UBP1: variants seen among roughly 807,000 people sequenced by gnomAD.
The protein encoded by UBP1 is upstream binding protein 1, also known as upstream-binding protein 1.
In UBP1, 22 loss-of-function variants were observed where a neutral mutation model predicts 76.1. That is an observed-to-expected ratio of 0.29 (90% CI 0.21 to 0.41). The LOEUF (loss-of-function observed/expected upper bound fraction) is 0.41. Among genes scored for constraint, UBP1 ranks in the 10% least tolerant of loss-of-function variants. The pLI is 1.00. For synonymous variants in UBP1, 224 were observed against 237.1 expected, an observed-to-expected ratio of 0.94 and a Z score of 0.51; for missense variants, 436 against 668.1, an observed-to-expected ratio of 0.65 and a Z score of 3.83.
chr3:33,440,081 G>A lies in UBP1; in HGVS notation c.-233C>T, dbSNP rs2045268081. ...GGGCCGCCGGCAGCGCCACCCTCCC[G>A]CGGACACCGGCCCTGCGCCTCATGC... is the stretch of plus-strand genomic sequence containing the variant. On this transcript the variant is annotated 5_prime_UTR_variant, in exon 1 of 16. Transcript: ENST00000283629. The A allele has an allele frequency of 4.5e-6, 2 of 446,796 alleles. No homozygotes were observed. Among genetic ancestry groups the A allele is most frequent in the Non-Finnish European group, 7.8e-6 (2 of 257,024 alleles). 27.7% of individuals were successfully genotyped at this position (446,796 alleles called of 1,614,324 possible). A position where few individuals can be genotyped will look rare whatever the true frequency, so the allele number is the denominator to read the frequency against.
intron 5 of UBP1, among the ~76,000 whole-genome samples, chr3:33,410,171 A>C (rs374944773): frequency 1.3e-5 from 2 of 152,206 alleles, no homozygotes; most frequent in East Asian, 3.8e-4. Context: ...TTCAAAGTCC[A>C]TTCAGGATCC....
chr3:33,400,360 G>A (rs891490902), intron 10 of UBP1, 78 bp from the exon 11 acceptor site: 19 of 1,160,750 alleles, frequency 1.6e-5, no homozygotes, highest in East Asian at 5.6e-5. Context: ...AGAAAGCCTC[G>A]GAGTCTGAAG....
At chr3:33,413,371 C>G (rs925079078) in intron 3 of UBP1, among the ~76,000 whole-genome samples, 1 of 151,474 alleles carries the variant, frequency 6.6e-6, no homozygotes, top group Non-Finnish European at 1.5e-5. Flanking sequence ...CACGGTGAAA[C>G]CCCATCTCTA....
chr3:33,420,414 C>T (rs562564461), intron 2 of UBP1, among the ~76,000 whole-genome samples: 18 of 152,004 alleles, frequency 1.2e-4, no homozygotes, highest in African/African-American at 4.3e-4. Flanking sequence ...CAACCTCCCT[C>T]TCCCAAATTC....
In UBP1 at chr3:33,409,613, T is replaced by C; in HGVS notation, c.556-12A>G. 2 of 1,614,138 alleles carry C rather than the reference T, an allele frequency of 1.2e-6. No individual in the cohort carries two copies. Among genetic ancestry groups the C allele is most frequent in the Non-Finnish European group, 1.7e-6 (2 of 1,179,986 alleles). ...CTGATGCAGTGTACCTATAAAACGA[T>C]TCAGGCTGAAATGGATTCAAAGAAC... On this transcript the variant is annotated splice_polypyrimidine_tract_variant and intron_variant, in intron 5 of 15. Coordinates refer to ENST00000283629, the MANE Select transcript of UBP1 (RefSeq NM_014517.5).
intron 3 of UBP1, among the ~76,000 whole-genome samples, chr3:33,415,118 T>A (rs145733118): frequency 1.3e-5 from 2 of 152,360 alleles, no homozygotes; most frequent in African/African-American, 4.8e-5. Flanking sequence ...CCCAAGTTAA[T>A]CTGACAGGTA....
chr3:33,422,325 G>A (rs2044916029), intron 2 of UBP1, among the ~76,000 whole-genome samples: 1 of 152,008 alleles, frequency 6.6e-6, no homozygotes, highest in Non-Finnish European at 1.5e-5. Context: ...AGGACTGCTT[G>A]AGCCCAGGAG....
chr3:33,436,064 C>G (rs1436780204), intron 1 of UBP1, among the ~76,000 whole-genome samples: 2 of 152,226 alleles, frequency 1.3e-5, no homozygotes, highest in Non-Finnish European at 2.9e-5. Flanking sequence ...TAATCTTGTA[C>G]TAACTTAATA....
intron 1 of UBP1, among the ~76,000 whole-genome samples, chr3:33,439,158 G>A (rs1231827518): frequency 6.6e-6 from 1 of 152,186 alleles, no homozygotes; most frequent in East Asian, 1.9e-4. Flanking sequence ...AGAGGAAACA[G>A]CCTGAGAGGG....
chr3:33,421,930 G>A (rs1393750791), intron 2 of UBP1, among the ~76,000 whole-genome samples: 1 of 152,148 alleles, frequency 6.6e-6, no homozygotes, highest in Non-Finnish European at 1.5e-5. Flanking sequence ...CATAGTCCTA[G>A]GTACTCCAGA....
In UBP1 at chr3:33,439,953, G is replaced by T; in HGVS notation, c.-105C>A. 7.8e-7 allele frequency: 1 copy of T among 1,279,698 alleles called. No homozygotes were observed. Among genetic ancestry groups the T allele is most frequent in the Admixed American group, 2.5e-5 (1 of 39,932 alleles). 79.3% of individuals were successfully genotyped at this position (1,279,698 alleles called of 1,614,324 possible). A position where few individuals can be genotyped will look rare whatever the true frequency, so the allele number is the denominator to read the frequency against. On this transcript the variant is annotated 5_prime_UTR_variant, in exon 1 of 16. Coordinates refer to ENST00000283629, the MANE Select transcript of UBP1 (RefSeq NM_014517.5). ...GGGGGAGGGCGCGGGTGAAGCCTCCGGAGGGGCGGCGAGTGGTCACCAGCG... is the reference window on the plus strand; with the variant it reads ...GGGGGAGGGCGCGGGTGAAGCCTCCTGAGGGGCGGCGAGTGGTCACCAGCG...
At chr3:33,415,616 A>G (rs1166585089) in intron 3 of UBP1, among the ~76,000 whole-genome samples, 5 of 152,168 alleles carry the variant, frequency 3.3e-5, no homozygotes, top group Admixed American at 6.5e-5. Flanking sequence ...ACCATAATAA[A>G]AAGTTAAAAA....
chr3:33,429,112 A>T (rs966190476), intron 1 of UBP1, among the ~76,000 whole-genome samples: 1 of 152,186 alleles, frequency 6.6e-6, no homozygotes, highest in African/African-American at 2.4e-5. Flanking sequence ...TTCTTCAATG[A>T]CTGATGCCAG....
chr3:33,390,020 C>G lies in UBP1; in HGVS notation c.*311G>C, dbSNP rs914562938. 9 of 336,188 alleles carry G rather than the reference C, an allele frequency of 2.7e-5. No individual in the cohort carries two copies. Among genetic ancestry groups the G allele is most frequent in the Non-Finnish European group, 4.9e-5 (9 of 183,530 alleles). 20.8% of individuals were successfully genotyped at this position (336,188 alleles called of 1,614,324 possible). A position where few individuals can be genotyped will look rare whatever the true frequency, so the allele number is the denominator to read the frequency against. ...CCAAACCGCATACAGTGTAAAAAGA[C>G]AGCAAAGGCTGCTTCTAGGAACTGT... On this transcript the variant is annotated 3_prime_UTR_variant, in exon 16 of 16. Coordinates refer to ENST00000283629, the MANE Select transcript of UBP1 (RefSeq NM_014517.5).
intron 13 of UBP1, among the ~76,000 whole-genome samples, chr3:33,394,180 CCTGG>C (rs2043874735): frequency 7.1e-6 from 1 of 141,568 alleles, no homozygotes; most frequent in Non-Finnish European, 1.5e-5. Flanking sequence ...CGCCACCATG[CCTGG>C]CTAATTTTTA....
chr3:33,405,709 T>C (rs1391900794), intron 8 of UBP1, among the ~76,000 whole-genome samples: 2 of 152,078 alleles, frequency 1.3e-5, no homozygotes, highest in African/African-American at 4.8e-5. Context: ...GCAGTGAACT[T>C]TGATCACACT....
chr3:33,397,835 C>T (rs2044067301), intron 11 of UBP1: 1 of 151,992 alleles, frequency 6.6e-6, no homozygotes, highest in African/African-American at 2.4e-5. Context: ...GTGTTTGACA[C>T]TTTTAAAAAT....
At chr3:33,405,496 T>C (rs2044395023) in intron 8 of UBP1, among the ~76,000 whole-genome samples, 1 of 152,218 alleles carries the variant, frequency 6.6e-6, no homozygotes, top group Admixed American at 6.5e-5. Context: ...AACTTTCAGA[T>C]GTCAATCTGG....
intron 13 of UBP1, among the ~76,000 whole-genome samples, chr3:33,394,465 G>C (rs1413095424): frequency 6.6e-6 from 1 of 152,016 alleles, no homozygotes; most frequent in Admixed American, 6.5e-5. Flanking sequence ...TATATGAAAA[G>C]CTAATATAAA....
Sources: allele counts gnomAD v4.1 joint callset (sites outside exome capture counted in the v4.1 genomes callset), GRCh38; gene constraint gnomAD v4.1.1; transcripts MANE v1.5; gene names NCBI Gene and HGNC (gene_info 2026-07-23, HGNC 2026-07-21).